Variants in IL21R observed in about 807,000 individuals in gnomAD.
IL21R encodes the protein interleukin-21 receptor.
In IL21R, 14 loss-of-function variants were observed where a neutral mutation model predicts 41.3. The ratio of observed to expected loss-of-function variants is 0.34; its 90% CI spans 0.22 to 0.53. The LOEUF (loss-of-function observed/expected upper bound fraction) is 0.53. Among genes scored for constraint, IL21R ranks in the 20% least tolerant of loss-of-function variants. The pLI, the probability that IL21R is intolerant of heterozygous loss-of-function variation, is 0.94. For missense variants in IL21R, 588 were observed against 681.6 expected, an observed-to-expected ratio of 0.86 and a Z score of 1.53; for synonymous variants, 286 against 287.6, an observed-to-expected ratio of 0.99 and a Z score of 0.05.
intron 1 of IL21R, among the ~76,000 whole-genome samples, chr16:27,412,138 A>G (rs1045767766): frequency 3.9e-5 from 6 of 152,218 alleles, no homozygotes; most frequent in African/African-American, 1.4e-4. Flanking sequence ...AGGATCCAAC[A>G]TCATTCTTTT....
In IL21R at chr16:27,443,008, G is replaced by A. The variant is rs1567371339; in HGVS notation, c.399G>A (p.Gln133=). Residue 133 remains glutamine, a synonymous_variant, in exon 5 of 9, where the codon CAG becomes CAA. Coordinates refer to ENST00000337929, the MANE Select transcript of IL21R (RefSeq NM_181078.3). ...PFNVTVTFSG[Q]YNISWRSDYE... is the part of the protein sequence containing the mutation. ...ACGTGACTGTGACCTTCTCAGGACAGTATAATATCTCCTGGCGCTCAGATT... is the reference window on the plus strand; with the variant it reads ...ACGTGACTGTGACCTTCTCAGGACAATATAATATCTCCTGGCGCTCAGATT... 6.2e-7 allele frequency: 1 copy of A among 1,613,886 alleles called. No individual in the cohort carries two copies.
At chr16:27,437,080 A>G (rs3093341) in intron 3 of IL21R, among the ~76,000 whole-genome samples, 22,277 of 152,074 alleles carry the variant, frequency 0.15, 2,142 homozygotes, top group African/African-American at 0.27. Flanking sequence ...TCTCAAAAAA[A>G]TGGATGTTGG....
At position 27,451,242 on chromosome 16, in the gene IL21R, A is replaced by G. The variant is rs186921342; in HGVS notation, c.*1959A>G. On this transcript the variant is annotated 3_prime_UTR_variant, in exon 9 of 9. Coordinates refer to ENST00000337929, the MANE Select transcript of IL21R (RefSeq NM_181078.3). Reference sequence around the variant, plus strand: ...CACCTGTGGGTGCCACCTGAGCCACAGGCTCCCAGGAAAGCAGCACAGCTC... The same window carrying G: ...CACCTGTGGGTGCCACCTGAGCCACGGGCTCCCAGGAAAGCAGCACAGCTC... 9 of 229,680 alleles carry G rather than the reference A, an allele frequency of 3.9e-5. No homozygotes were observed. The highest frequency in any genetic ancestry group is 2.0e-4 in the African/African-American group (9 of 44,740). The allele number at this position is 229,680 out of a possible 1,614,324, so 14.2% of individuals were successfully genotyped here.
chr16:27,431,008 C>G (rs540496689), intron 2 of IL21R, among the ~76,000 whole-genome samples: 1 of 152,040 alleles, frequency 6.6e-6, no homozygotes, highest in Non-Finnish European at 1.5e-5. Flanking sequence ...ACCAGGAGTC[C>G]GACTGAAAGG....
intron 1 of IL21R, chr16:27,402,986 G>T (rs112571372): frequency 2.5e-6 from 1 of 396,448 alleles, no homozygotes; most frequent in Non-Finnish European, 5.1e-6. Flanking sequence ...TGGGTGTAGA[G>T]CCTGATGGGA....
At chr16:27,446,499 A>G (rs1179643505) in intron 8 of IL21R, among the ~76,000 whole-genome samples, 1 of 152,184 alleles carries the variant, frequency 6.6e-6, no homozygotes, top group African/African-American at 2.4e-5. Context: ...GCAACTCGGG[A>G]GGCTGAGGCA....
chr16:27,441,187 C>T (rs368696697), intron 4 of IL21R, among the ~76,000 whole-genome samples: 18 of 152,256 alleles, frequency 1.2e-4, no homozygotes, highest in African/African-American at 4.1e-4. Context: ...TCCTCTCTGA[C>T]ACTAATAGAC....
intron 8 of IL21R, chr16:27,447,782 C>T (rs1489417166): frequency 6.6e-6 from 1 of 152,314 alleles, no homozygotes; most frequent in African/African-American, 2.4e-5. Flanking sequence ...CTGGTGGGGA[C>T]ACATAAACCA....
At chr16:27,418,062 TTTATTTATG>T (rs201365739) in intron 1 of IL21R, among the ~76,000 whole-genome samples, 5,294 of 146,740 alleles carry the variant, frequency 0.036, 178 homozygotes, top group East Asian at 0.18. Flanking sequence ...TTTATTTTAT[TTTATTTATG>T]TTATTTTATT....
intron 1 of IL21R, among the ~76,000 whole-genome samples, chr16:27,423,481 C>T (rs758456764): frequency 1.3e-5 from 2 of 152,194 alleles, no homozygotes; most frequent in South Asian, 4.1e-4. Context: ...TCTCACACCC[C>T]CTCCTTTTCC....
At position 27,450,620 on chromosome 16, in the gene IL21R, C is replaced by T. The variant is rs190481439; in HGVS notation, c.*1337C>T. The T allele has an allele frequency of 1.2e-3, 256 of 215,602 alleles. No homozygotes were observed. Among genetic ancestry groups the T allele is most frequent in the African/African-American group, 5.3e-3 (231 of 43,720 alleles). The allele number at this position is 215,602 out of a possible 1,614,324, so 13.4% of individuals were successfully genotyped here. On this transcript the variant is annotated 3_prime_UTR_variant, in exon 9 of 9. Transcript: ENST00000337929. ...TTCTTTTGAGACAGAGTCTCACTCTCGTCGCCCAGGCTGGAATGCAGTGGT... is the reference window on the plus strand; with the variant it reads ...TTCTTTTGAGACAGAGTCTCACTCTTGTCGCCCAGGCTGGAATGCAGTGGT...
intron 4 of IL21R, among the ~76,000 whole-genome samples, chr16:27,439,326 GCT>G (rs3093404): frequency 0.016 from 2,478 of 151,506 alleles, 31 homozygotes; most frequent in Non-Finnish European, 0.025. Context: ...TCTCTCTCTT[GCT>G]CTCTCTCACT....
rs367807578 is a variant in IL21R, at chr16:27,445,327, C to A, written c.785+51C>A. On this transcript the variant is annotated intron_variant, in intron 7 of 8. Coordinates refer to ENST00000337929, the MANE Select transcript of IL21R (RefSeq NM_181078.3). Reference sequence around the variant, plus strand: ...GGGAGGTGGTCAGCCTGGGCCACTGCCCCTGTATGATACATGCAGGGTTGG... The same window carrying A: ...GGGAGGTGGTCAGCCTGGGCCACTGACCCTGTATGATACATGCAGGGTTGG... The A allele has an allele frequency of 3.5e-5, 40 of 1,158,034 alleles. No individual in the cohort carries two copies. The African/African-American group carries it at 5.2e-4, about 15-fold the overall frequency. The allele number at this position is 1,158,034 out of a possible 1,614,324, so 71.7% of individuals were successfully genotyped here. A position where few individuals can be genotyped will look rare whatever the true frequency, so the allele number is the denominator to read the frequency against.
rs1242329002 is a variant in IL21R at position 27,415,068 on chromosome 16, G to A, written c.-17+12450G>A. Among the ~76,000 whole-genome samples, 7 of 152,260 alleles carry A rather than the reference G, an allele frequency of 4.6e-5. No individual in the cohort carries two copies. The East Asian group carries it at 9.6e-4, about 21-fold the overall frequency. On this transcript the variant is annotated intron_variant, in intron 1 of 8. Coordinates refer to ENST00000337929, the MANE Select transcript of IL21R (RefSeq NM_181078.3). Reference sequence around the variant, plus strand: ...ATCAATGATAAAGATAAAGCCCTCCGTGGCCGATCATCCATATCAATTTGT... The same window carrying A: ...ATCAATGATAAAGATAAAGCCCTCCATGGCCGATCATCCATATCAATTTGT...
chr16:27,403,276 A>G, intron 1 of IL21R: 1 of 1,313,698 alleles, frequency 7.6e-7, no homozygotes, highest in Non-Finnish European at 1.0e-6. Context: ...TGGGGAGGTC[A>G]GTGGAGGCTG....
At chr16:27,431,884 T>C (rs2087178524) in intron 2 of IL21R, among the ~76,000 whole-genome samples, 1 of 152,106 alleles carries the variant, frequency 6.6e-6, no homozygotes, top group East Asian at 1.9e-4. Flanking sequence ...CCTCAAATGA[T>C]CCACCCGCCT....
At chr16:27,415,445 G>A (rs80332516) in intron 1 of IL21R, among the ~76,000 whole-genome samples, 7,001 of 152,224 alleles carry the variant, frequency 0.046, 204 homozygotes, top group South Asian at 0.11. Flanking sequence ...AAAGCAGACC[G>A]GTCAAGAAAA....
chr16:27,402,967 T>G (rs1596560250), intron 1 of IL21R: 1 of 353,342 alleles, frequency 2.8e-6, no homozygotes, highest in Non-Finnish European at 5.6e-6. Context: ...AGTCGGGAGG[T>G]GACGGGCATG....
intron 1 of IL21R, among the ~76,000 whole-genome samples, chr16:27,408,559 C>T (rs1191062951): frequency 6.6e-6 from 1 of 152,110 alleles, no homozygotes; most frequent in African/African-American, 2.4e-5. Flanking sequence ...GAGAGGAGGA[C>T]CAGCAGGAGA....
Sources: gnomAD v4.1 joint callset for allele counts (sites outside exome capture counted in the v4.1 genomes callset) on GRCh38, gnomAD v4.1.1 for gene constraint, MANE v1.5 for transcripts, NCBI Gene and HGNC (gene_info 2026-07-23, HGNC 2026-07-21) for gene names.